The following ZBTB7C variants were observed in gnomAD, a reference collection of about 807,000 sequenced individuals.
ZBTB7C encodes the protein zinc finger and BTB domain-containing protein 7C.
In ZBTB7C, 8 loss-of-function variants were observed where a neutral mutation model predicts 25.7. The observed-to-expected ratio is 0.31, with a 90% CI of 0.18 to 0.56. The LOEUF (loss-of-function observed/expected upper bound fraction) is 0.56, where lower values mean the gene tolerates loss of function less well. Ranked by LOEUF, ZBTB7C falls within the 20% of genes least tolerant of loss-of-function variation. The probability of loss-of-function intolerance (pLI) is 0.91; values close to 1 mark genes in which losing one functional copy is unlikely to be tolerated. For synonymous variants in ZBTB7C, 394 were observed against 369.0 expected, an observed-to-expected ratio of 1.07 and a Z score of -0.78; for missense variants, 824 against 855.2, an observed-to-expected ratio of 0.96 and a Z score of 0.46.
chr18:48,384,769 C>T lies in ZBTB7C; in HGVS notation c.-304+24457G>A, dbSNP rs145968704. 5.9e-5 allele frequency among the ~76,000 whole-genome samples: 9 copies of T among 152,276 alleles called. No homozygotes were observed. The East Asian group carries it at 1.2e-3, about 20-fold the overall frequency. ...CCATCTTGGCTCACTGCAACCTCTG[C>T]CTCCTTGGTTCAGGCAATTCTCACG... On this transcript the variant is annotated intron_variant, in intron 1 of 4. Transcript: ENST00000590800.
chr18:48,090,255 T>A (rs1490342583), intron 3 of ZBTB7C, among the ~76,000 whole-genome samples: 1 of 152,036 alleles, frequency 6.6e-6, no homozygotes. Flanking sequence ...ACAAATGAGG[T>A]GTGAGTGCCA....
intron 2 of ZBTB7C, among the ~76,000 whole-genome samples, chr18:48,230,337 GGGAAGCTGGTTGGGAGCT>G (rs994805545): frequency 5.3e-4 from 80 of 152,290 alleles, no homozygotes; most frequent in African/African-American, 1.9e-3. Context: ...GCAACCCAGT[GGGAAGCTGGTTGGGAGCT>G]GGAAGCAAGG....
chr18:48,106,830 C>T lies in ZBTB7C; in HGVS notation c.-16-65707G>A, dbSNP rs1282971348. Reference sequence around the variant, plus strand: ...ACCAGGGAAGAAGGGGGTTCTGCAGCGGGGTGGGGAATGGGGTGGGGATGG... The same window carrying T: ...ACCAGGGAAGAAGGGGGTTCTGCAGTGGGGTGGGGAATGGGGTGGGGATGG... On this transcript the variant is annotated intron_variant, in intron 3 of 4. Coordinates refer to ENST00000590800, the MANE Select transcript of ZBTB7C (RefSeq NM_001318841.2). 2.6e-5 allele frequency among the ~76,000 whole-genome samples: 3 copies of T among 115,932 alleles called. No homozygotes were observed. In the Admixed American group the frequency reaches 3.0e-4, roughly 11 times the overall value. 76.1% of individuals were successfully genotyped at this position (115,932 alleles called of 152,430 possible).
At position 48,211,810 on chromosome 18, in the gene ZBTB7C, C is replaced by T. The variant is rs138493251; in HGVS notation, c.-78-25815G>A. The stretch of plus-strand genomic sequence containing the variant: ...TCTTATAAAACTTAACATAATCTTA[C>T]CATATGATCCAGTGATCACATTCCT... On this transcript the variant is annotated intron_variant, in intron 2 of 4. Transcript: ENST00000590800. Among the ~76,000 whole-genome samples, 484 of 152,226 alleles carry T rather than the reference C, an allele frequency of 3.2e-3. 5 individuals carry two copies. The highest frequency in any genetic ancestry group is 0.011 in the African/African-American group (462 of 41,504).
intron 3 of ZBTB7C, among the ~76,000 whole-genome samples, chr18:48,176,705 A>G (rs1481296533): frequency 6.6e-6 from 1 of 152,178 alleles, no homozygotes; most frequent in African/African-American, 2.4e-5. Context: ...AAACTGAGAT[A>G]TAAGAATACA....
intron 2 of ZBTB7C, 38 bp from the exon 3 acceptor site, chr18:48,186,033 A>C (rs1458776197): frequency 6.6e-6 from 1 of 152,280 alleles, no homozygotes; most frequent in Non-Finnish European, 1.5e-5. Flanking sequence ...TCATATTAGC[A>C]TCTGCTCTGG....
At chr18:48,375,683 A>C (rs2047503964) in intron 1 of ZBTB7C, 1 of 152,272 alleles carries the variant, frequency 6.6e-6, no homozygotes, top group Admixed American at 6.5e-5. Flanking sequence ...CAAGTTATTT[A>C]ACCACACTGA....
At chr18:48,266,204 C>T (rs951533564) in intron 2 of ZBTB7C, among the ~76,000 whole-genome samples, 4 of 152,206 alleles carry the variant, frequency 2.6e-5, no homozygotes, top group South Asian at 2.1e-4. Context: ...TTTAAGTGGT[C>T]GATGGAGCTA....
chr18:48,336,428 C>T (rs6507841), intron 2 of ZBTB7C, among the ~76,000 whole-genome samples: 93,257 of 152,038 alleles, frequency 0.61, 29,430 homozygotes, highest in East Asian at 0.85. Context: ...ACATGTTTTA[C>T]TTTATTTCAT....
At chr18:48,127,422 T>C (rs1476476065) in intron 3 of ZBTB7C, among the ~76,000 whole-genome samples, 2 of 152,366 alleles carry the variant, frequency 1.3e-5, no homozygotes. Context: ...GCTTCATTTT[T>C]AGTTCTGGTC....
rs71165323 is a variant in ZBTB7C, at chr18:48,389,236, CGTGTGTGTGT to C, written c.-304+19980_-304+19989del. On this transcript the variant is annotated intron_variant, in intron 1 of 4. Coordinates refer to ENST00000590800, the MANE Select transcript of ZBTB7C (RefSeq NM_001318841.2). ...TCTCTCTCTCTCTCTCTCTCTCTCT[CGTGTGTGTGT>C]GTGTGTGTGTGTGTGTGTGTGTGTG... Among the ~76,000 whole-genome samples the C allele has an allele frequency of 8.5e-3, 528 of 62,256 alleles. 16 individuals are homozygous for C. The highest frequency in any genetic ancestry group is 0.034 in the African/African-American group (486 of 14,244). 40.8% of individuals were successfully genotyped at this position (62,256 alleles called of 152,430 possible).
At chr18:48,283,154 TC>T (rs1375672682) in intron 2 of ZBTB7C, among the ~76,000 whole-genome samples, 3 of 152,278 alleles carry the variant, frequency 2.0e-5, no homozygotes, top group East Asian at 3.9e-4. Context: ...AAATTTCATA[TC>T]CTTTGACCTA....
chr18:48,217,829 G>A (rs778713194), intron 2 of ZBTB7C, among the ~76,000 whole-genome samples: 1 of 152,090 alleles, frequency 6.6e-6, no homozygotes. Context: ...GGAACACTGG[G>A]TTGTCTGCTT....
At chr18:48,389,222 CTCTCTCTCTCTCTCGTGTGTGTGT>C (rs2047826484) in intron 1 of ZBTB7C, among the ~76,000 whole-genome samples, 2 of 126,694 alleles carry the variant, frequency 1.6e-5, no homozygotes, top group African/African-American at 6.2e-5. Flanking sequence ...CTCTCTCTCT[CTCTCTCTCTCTCTCGTGTGTGTGT>C]GTGTGTGTGT....
intron 3 of ZBTB7C, among the ~76,000 whole-genome samples, chr18:48,170,735 G>A (rs114240249): frequency 0.03 from 4,550 of 152,224 alleles, 209 homozygotes; most frequent in African/African-American, 0.1. Flanking sequence ...CCTGGGATCC[G>A]CAGGTGCCTC....
chr18:48,076,726 G>A (rs1044291886), intron 3 of ZBTB7C, among the ~76,000 whole-genome samples: 3 of 152,140 alleles, frequency 2.0e-5, no homozygotes, highest in African/African-American at 4.8e-5. Context: ...CTTGACCCAC[G>A]GAGACCTTGG....
chr18:48,109,445 C>A (rs963919769), intron 3 of ZBTB7C, among the ~76,000 whole-genome samples: 1 of 152,114 alleles, frequency 6.6e-6, no homozygotes, highest in African/African-American at 2.4e-5. Flanking sequence ...TGCCCTTTCC[C>A]TTTCAGATCT....
At chr18:48,091,142 T>C (rs1317912629) in intron 3 of ZBTB7C, among the ~76,000 whole-genome samples, 11 of 151,466 alleles carry the variant, frequency 7.3e-5, no homozygotes, top group African/African-American at 2.7e-4. Context: ...GGTGTGATCA[T>C]AGCTCACTGC....
chr18:48,205,733 C>T (rs1318859547), intron 2 of ZBTB7C, among the ~76,000 whole-genome samples: 4 of 151,928 alleles, frequency 2.6e-5, no homozygotes. Flanking sequence ...GGATGTATAA[C>T]AACTGGGACT....
Sources: gnomAD v4.1 joint callset for allele counts (sites outside exome capture counted in the v4.1 genomes callset) on GRCh38, gnomAD v4.1.1 for gene constraint, MANE v1.5 for transcripts, NCBI Gene and HGNC (gene_info 2026-07-23, HGNC 2026-07-21) for gene names.